The following SBF2 variants were observed in gnomAD, a reference collection of about 807,000 sequenced individuals.
SBF2 encodes the protein SET binding factor 2, also known as myotubularin-related protein 13.
In SBF2, 112 loss-of-function variants were observed where a neutral mutation model predicts 225.2. That is an observed-to-expected ratio of 0.50 (90% CI 0.43 to 0.58). The LOEUF (loss-of-function observed/expected upper bound fraction) is 0.58, where lower values mean the gene tolerates loss of function less well. Among genes scored for constraint, SBF2 ranks in the 20% least tolerant of loss-of-function variants. The pLI is 0.00. For missense variants in SBF2, 1,996 were observed against 2,206.2 expected, an observed-to-expected ratio of 0.90 and a Z score of 1.91; for synonymous variants, 763 against 773.3, an observed-to-expected ratio of 0.99 and a Z score of 0.22.
chr11:10,141,189 T>G (rs1954623848), intron 2 of SBF2, among the ~76,000 whole-genome samples: 1 of 152,160 alleles, frequency 6.6e-6, no homozygotes, highest in Admixed American at 6.5e-5. Context: ...TGTTTTGTAT[T>G]CAGAAAAGGT....
At chr11:10,131,681 T>A (rs554696074) in intron 2 of SBF2, among the ~76,000 whole-genome samples, 1 of 152,300 alleles carries the variant, frequency 6.6e-6, no homozygotes, top group East Asian at 1.9e-4. Flanking sequence ...CCTCAAGTGA[T>A]CTGCCCACCT....
chr11:10,143,999 G>A (rs961506768), intron 2 of SBF2, among the ~76,000 whole-genome samples: 5 of 152,184 alleles, frequency 3.3e-5, no homozygotes, highest in Admixed American at 2.6e-4. Context: ...GATTACAGGC[G>A]TGAGCCACTG....
chr11:10,213,770 C>T (rs1958027101), intron 1 of SBF2, among the ~76,000 whole-genome samples: 1 of 152,154 alleles, frequency 6.6e-6, no homozygotes, highest in African/African-American at 2.4e-5. Flanking sequence ...AAGGGAGGCT[C>T]AGTACAAACC....
intron 16 of SBF2, among the ~76,000 whole-genome samples, chr11:9,935,513 AAAAG>A (rs1237831348): frequency 1.3e-5 from 2 of 152,230 alleles, no homozygotes; most frequent in Non-Finnish European, 2.9e-5. Flanking sequence ...ATTCTAAACA[AAAAG>A]AAGAAAGCTG....
intron 2 of SBF2, among the ~76,000 whole-genome samples, chr11:10,139,974 A>G (rs1406077797): frequency 6.6e-6 from 1 of 152,216 alleles, no homozygotes; most frequent in Admixed American, 6.5e-5. Context: ...TGTGGTTTCC[A>G]TGAATAAAAG....
intron 16 of SBF2, chr11:9,959,955 G>A (rs1866456058): frequency 3.3e-6 from 1 of 302,372 alleles, no homozygotes; most frequent in South Asian, 3.3e-5. Flanking sequence ...TTCAAGTTAG[G>A]TTGTCTTTTT....
At chr11:9,987,955 AGCCAAAG>A (rs1266685727) in intron 13 of SBF2, among the ~76,000 whole-genome samples, 4 of 152,208 alleles carry the variant, frequency 2.6e-5, no homozygotes, top group Non-Finnish European at 2.9e-5. Flanking sequence ...GAGCCCGCAT[AGCCAAAG>A]CAAGACTAAG....
chr11:10,098,382 G>T (rs1410817503), intron 2 of SBF2, among the ~76,000 whole-genome samples: 1 of 151,684 alleles, frequency 6.6e-6, no homozygotes, highest in East Asian at 1.9e-4. Context: ...GCTGACTGGT[G>T]AAGTCTTTTC....
intron 1 of SBF2, among the ~76,000 whole-genome samples, chr11:10,226,879 G>A (rs1958587473): frequency 6.6e-6 from 1 of 152,162 alleles, no homozygotes; most frequent in Admixed American, 6.5e-5. Flanking sequence ...GGTATTTCTA[G>A]TTCTAGATCC....
intron 32 of SBF2, among the ~76,000 whole-genome samples, chr11:9,797,695 C>T (rs540029884): frequency 5.3e-5 from 8 of 152,334 alleles, no homozygotes; most frequent in South Asian, 4.1e-4. Flanking sequence ...ACTGGCTGGG[C>T]GTGGTGGCTC....
intron 1 of SBF2, among the ~76,000 whole-genome samples, chr11:10,207,101 G>A (rs1333808072): frequency 6.6e-6 from 1 of 152,044 alleles, no homozygotes; most frequent in East Asian, 1.9e-4. Flanking sequence ...AAGCCAGAGA[G>A]AAACATTTTA....
chr11:9,937,714 A>G (rs1342532121), intron 16 of SBF2, among the ~76,000 whole-genome samples: 3 of 152,146 alleles, frequency 2.0e-5, no homozygotes, highest in Non-Finnish European at 4.4e-5. Flanking sequence ...ATGTCTAGAA[A>G]ACCCAAGAAA....
At chr11:10,114,939 T>C (rs1953059289) in intron 2 of SBF2, among the ~76,000 whole-genome samples, 1 of 152,224 alleles carries the variant, frequency 6.6e-6, no homozygotes, top group Non-Finnish European at 1.5e-5. Flanking sequence ...CCTGGAGCTA[T>C]GGAAACCCAT....
intron 1 of SBF2, among the ~76,000 whole-genome samples, chr11:10,199,712 G>A (rs555292308): frequency 6.6e-6 from 1 of 152,230 alleles, no homozygotes; most frequent in South Asian, 2.1e-4. Context: ...GAGGAGGCCA[G>A]AAGTTTGAGA....
At chr11:10,127,910 A>C (rs562457224) in intron 2 of SBF2, among the ~76,000 whole-genome samples, 136 of 152,348 alleles carry the variant, frequency 8.9e-4, no homozygotes, top group African/African-American at 3.1e-3. Context: ...AGGTTAGGCA[A>C]GTTACTTAAT....
At chr11:10,231,850 T>G (rs532230688) in intron 1 of SBF2, among the ~76,000 whole-genome samples, 1 of 152,298 alleles carries the variant, frequency 6.6e-6, no homozygotes, top group African/African-American at 2.4e-5. Flanking sequence ...GACAGGGACA[T>G]TTAGGTCTGC....
intron 17 of SBF2, among the ~76,000 whole-genome samples, chr11:9,887,551 CAAG>C (rs886362089): frequency 6.6e-6 from 1 of 151,902 alleles, no homozygotes; most frequent in Non-Finnish European, 1.5e-5. Context: ...TCTTAAAGAA[CAAG>C]AAGAAAATGA....
At chr11:9,830,159 T>C (rs1855301765) in intron 27 of SBF2, among the ~76,000 whole-genome samples, 1 of 152,082 alleles carries the variant, frequency 6.6e-6, no homozygotes, top group Non-Finnish European at 1.5e-5. Context: ...CTGGTTTGGG[T>C]GAAGCAAAAC....
intron 16 of SBF2, among the ~76,000 whole-genome samples, chr11:9,908,851 ATTTTTTTT>A (rs34026186): frequency 1.6e-5 from 2 of 125,354 alleles, no homozygotes; most frequent in African/African-American, 3.1e-5. Flanking sequence ...CGCATGGCTA[ATTTTTTTT>A]TTTTTTTTTG....
Sources: gnomAD v4.1 joint callset for allele counts (sites outside exome capture counted in the v4.1 genomes callset) on GRCh38, gnomAD v4.1.1 for gene constraint, MANE v1.5 for transcripts, NCBI Gene and HGNC (gene_info 2026-07-23, HGNC 2026-07-21) for gene names.